STAP1: variants seen among roughly 807,000 people sequenced by gnomAD.
STAP1 encodes signal transducing adaptor family member 1.
A neutral mutation model predicts 37.8 loss-of-function variants in STAP1; 30 were observed. That is an observed-to-expected ratio of 0.79 (90% CI 0.59 to 1.08). STAP1 has a LOEUF of 1.08. Among genes scored for constraint, STAP1 ranks in the 50% least tolerant of loss-of-function variants. STAP1 has a pLI of 0.00. For missense variants in STAP1, 357 were observed against 349.4 expected (o/e 1.02, Z -0.17); for synonymous variants, 130 against 116.0 (o/e 1.12, Z -0.78).
chr4:67,584,006 G>A (rs1475531229), intron 6 of STAP1, among the ~76,000 whole-genome samples: 2 of 151,450 alleles, frequency 1.3e-5, no homozygotes, highest in Non-Finnish European at 2.9e-5. Context: ...GCTGAGGCGG[G>A]GGAATTGCTT....
intron 6 of STAP1, 130 bp from the exon 7 acceptor site, chr4:67,590,754 T>TC: frequency 2.5e-6 from 1 of 403,758 alleles, no homozygotes; most frequent in East Asian, 4.1e-5. Flanking sequence ...GATTTTTTTT[T>TC]TTTTTTTTTT....
chr4:67,591,047 G>C, intron 7 of STAP1, 94 bp downstream of exon 7: 1 of 755,096 alleles, frequency 1.3e-6, no homozygotes, highest in Non-Finnish European at 2.1e-6. Context: ...AAGGAGCCCT[G>C]AATGTGGCAG....
intron 2 of STAP1, among the ~76,000 whole-genome samples, chr4:67,574,977 G>A (rs1051571281): frequency 2.6e-5 from 4 of 151,984 alleles, no homozygotes; most frequent in African/African-American, 9.7e-5. Flanking sequence ...AGTATTATAT[G>A]GTATTTTCAC....
chr4:67,599,799 G>A (rs562404888), intron 8 of STAP1, among the ~76,000 whole-genome samples: 4 of 151,648 alleles, frequency 2.6e-5, no homozygotes, highest in African/African-American at 2.4e-5. Context: ...GTGCCACCAC[G>A]GCTGGCTCAT....
chr4:67,598,228 T>C (rs1412801055), intron 8 of STAP1, among the ~76,000 whole-genome samples: 1 of 152,230 alleles, frequency 6.6e-6, no homozygotes, highest in Non-Finnish European at 1.5e-5. Context: ...GTGAATAGTG[T>C]TGTTATAAAC....
chr4:67,593,411 A>C, intron 8 of STAP1, 55 bp downstream of exon 8: 2 of 1,331,316 alleles, frequency 1.5e-6, no homozygotes, highest in Non-Finnish European at 2.1e-6. Context: ...ACAAAACAAA[A>C]TCCCCAAAAC....
intron 2 of STAP1, among the ~76,000 whole-genome samples, chr4:67,571,584 C>T (rs2109858481): frequency 6.6e-6 from 1 of 152,198 alleles, no homozygotes; most frequent in East Asian, 1.9e-4. Context: ...TCTGAAAAGA[C>T]AAAAACATAT....
At position 67,606,509 on chromosome 4, in the gene STAP1, C is replaced by T. The variant is rs1728452539; in HGVS notation, c.*152C>T. On this transcript the variant is annotated 3_prime_UTR_variant, in exon 9 of 9. Coordinates refer to ENST00000265404, the MANE Select transcript of STAP1 (RefSeq NM_012108.4). Reference sequence around the variant, plus strand: ...AATTAGAATTAAACATTGTACCATACAATTTCATTATCTTATCAGAATGAA... The same window carrying T: ...AATTAGAATTAAACATTGTACCATATAATTTCATTATCTTATCAGAATGAA... 2 of 650,502 alleles carry T rather than the reference C, an allele frequency of 3.1e-6. No individual in the cohort carries two copies. Among genetic ancestry groups the T allele is most frequent in the East Asian group, 3.0e-5 (1 of 32,800 alleles). 40.3% of individuals were successfully genotyped at this position (650,502 alleles called of 1,614,324 possible). A position where few individuals can be genotyped will look rare whatever the true frequency, so the allele number is the denominator to read the frequency against.
intron 1 of STAP1, among the ~76,000 whole-genome samples, chr4:67,570,798 CA>C (rs1385075197): frequency 6.6e-6 from 1 of 151,902 alleles, no homozygotes; most frequent in East Asian, 1.9e-4. Flanking sequence ...GGTATGGTGG[CA>C]TATGCCTGTA....
intron 8 of STAP1, 116 bp from the exon 9 acceptor site, chr4:67,606,179 TA>T: frequency 1.4e-6 from 1 of 732,714 alleles, no homozygotes; most frequent in Non-Finnish European, 2.2e-6. Context: ...TAACAATTAC[TA>T]AACACACCAG....
chr4:67,597,987 A>T (rs1728261274), intron 8 of STAP1, among the ~76,000 whole-genome samples: 1 of 152,096 alleles, frequency 6.6e-6, no homozygotes, highest in Non-Finnish European at 1.5e-5. Context: ...TGTGAAACGG[A>T]TATGAGATTT....
intron 8 of STAP1, among the ~76,000 whole-genome samples, chr4:67,596,994 G>A (rs773427597): frequency 9.9e-5 from 15 of 152,224 alleles, no homozygotes; most frequent in Non-Finnish European, 2.2e-4. Flanking sequence ...GAAGCCAAAT[G>A]TTAATCACCA....
chr4:67,599,333 G>A (rs1043261600), intron 8 of STAP1, among the ~76,000 whole-genome samples: 1 of 152,212 alleles, frequency 6.6e-6, no homozygotes, highest in Middle Eastern at 3.4e-3. Flanking sequence ...GAAGCCATTG[G>A]GTCCCAGGCT....
intron 4 of STAP1, among the ~76,000 whole-genome samples, chr4:67,580,403 T>C (rs566198871): frequency 1.3e-5 from 2 of 152,248 alleles, no homozygotes; most frequent in Non-Finnish European, 2.9e-5. Flanking sequence ...TATGTACTTG[T>C]ACGCATATTA....
At chr4:67,570,990 C>A in intron 1 of STAP1, 94 bp from the exon 2 acceptor site, 2 of 992,208 alleles carry the variant, frequency 2.0e-6, no homozygotes, top group Non-Finnish European at 3.1e-6. Context: ...TCTTATATCA[C>A]ACAAGCAATT....
intron 8 of STAP1, among the ~76,000 whole-genome samples, chr4:67,605,863 C>A (rs1006164266): frequency 1.3e-5 from 2 of 152,058 alleles, no homozygotes; most frequent in Non-Finnish European, 2.9e-5. Context: ...GGGTTCCAAT[C>A]TGGAGATTTG....
At chr4:67,561,430 G>T (rs1395760514) in intron 1 of STAP1, among the ~76,000 whole-genome samples, 1 of 152,120 alleles carries the variant, frequency 6.6e-6, no homozygotes, top group Non-Finnish European at 1.5e-5. Context: ...GAGTAACCTG[G>T]TCTATAAAGG....
chr4:67,560,646 GTGTGTC>G (rs1161987419), intron 1 of STAP1, among the ~76,000 whole-genome samples: 76 of 151,466 alleles, frequency 5.0e-4, no homozygotes, highest in African/African-American at 1.7e-3. Context: ...GTGTGTGGGT[GTGTGTC>G]TGTGTGTGTG....
At chr4:67,578,902 C>T (rs1727787852) in intron 4 of STAP1, among the ~76,000 whole-genome samples, 1 of 150,272 alleles carries the variant, frequency 6.7e-6, no homozygotes, top group Non-Finnish European at 1.5e-5. Context: ...AATCTTGGCT[C>T]ACTGCAACCT....
Sources: gnomAD v4.1 joint callset for allele counts (sites outside exome capture counted in the v4.1 genomes callset) on GRCh38, gnomAD v4.1.1 for gene constraint, MANE v1.5 for transcripts, NCBI Gene and HGNC (gene_info 2026-07-23, HGNC 2026-07-21) for gene names.